SGCD: variants seen among roughly 807,000 people sequenced by gnomAD.
The protein encoded by SGCD is delta-sarcoglycan.
Under a neutral mutation model 36.6 loss-of-function variants are expected in SGCD, and 18 were observed. The ratio of observed to expected loss-of-function variants is 0.49; its 90% CI spans 0.34 to 0.73. The LOEUF is 0.73. Ranked by LOEUF, SGCD falls within the 30% of genes least tolerant of loss-of-function variation. The pLI is 0.01. For synonymous variants in SGCD, 133 were observed against 130.6 expected, an observed-to-expected ratio of 1.02 and a Z score of -0.12; for missense variants, 387 against 346.7, an observed-to-expected ratio of 1.12 and a Z score of -0.92.
At chr5:155,813,078 A>C in the SGCD span, among the ~76,000 whole-genome samples, 1 of 151,958 alleles carries the variant, frequency 6.6e-6, no homozygotes, top group South Asian at 2.1e-4. Flanking sequence ...AAGGAATACA[A>C]GAAGCTAGTT....
At chr5:155,983,399 G>C (rs537261549) in intron 1 of SGCD, among the ~76,000 whole-genome samples, 1 of 152,074 alleles carries the variant, frequency 6.6e-6, no homozygotes, top group Non-Finnish European at 1.5e-5. Context: ...TCCCAGGTTC[G>C]AGTGATTCTC....
chr5:156,634,662 G>A (rs746856589), intron 6 of SGCD, among the ~76,000 whole-genome samples: 6 of 152,082 alleles, frequency 3.9e-5, no homozygotes, highest in Non-Finnish European at 7.4e-5. Context: ...TTTTTGGAGC[G>A]ATAAAATTGG....
At chr5:156,503,866 T>G (rs1432686) in intron 3 of SGCD, among the ~76,000 whole-genome samples, 40,021 of 150,960 alleles carry the variant, frequency 0.27, 5,582 homozygotes, top group Non-Finnish European at 0.32. Flanking sequence ...TACTTAAGAG[T>G]TTTTTTTTAA....
the SGCD span, among the ~76,000 whole-genome samples, chr5:155,756,521 C>A: frequency 6.6e-6 from 1 of 152,088 alleles, no homozygotes; most frequent in Admixed American, 6.5e-5. Context: ...ACACAAAGCC[C>A]GGTTACTTTC....
chr5:156,127,923 A>G (rs1762220736), intron 3 of SGCD, among the ~76,000 whole-genome samples: 1 of 150,806 alleles, frequency 6.6e-6, no homozygotes, highest in Admixed American at 6.6e-5. Context: ...ATACCTTTGT[A>G]ACTTCAGGAG....
At chr5:156,339,096 C>G (rs1768510365) in intron 2 of SGCD, among the ~76,000 whole-genome samples, 1 of 152,112 alleles carries the variant, frequency 6.6e-6, no homozygotes, top group South Asian at 2.1e-4. Flanking sequence ...TTGGGAAACT[C>G]TACATCTAAA....
chr5:155,842,875 GCAT>G, the SGCD span, among the ~76,000 whole-genome samples: 2 of 152,108 alleles, frequency 1.3e-5, no homozygotes, highest in Non-Finnish European at 2.9e-5. Context: ...TAATATCAGG[GCAT>G]CATCTCTATT....
At chr5:156,154,765 C>A (rs903722334) in intron 3 of SGCD, among the ~76,000 whole-genome samples, 7 of 151,632 alleles carry the variant, frequency 4.6e-5, no homozygotes, top group Non-Finnish European at 8.8e-5. Flanking sequence ...GACTACTCAA[C>A]CTTGTGCCTC....
Position 156,487,813 on chromosome 5 carries a change from A to AAAAAAAAAAAAAAAAAG in SGCD, c.193-20785_193-20784insAAAAAAAAAAAAAGAAA, listed in dbSNP as rs1554107842. 2.6e-4 allele frequency among the ~76,000 whole-genome samples: 20 copies of AAAAAAAAAAAAAAAAAG among 77,794 alleles called. 1 individual carries two copies. The highest frequency in any genetic ancestry group is 4.8e-4 in the African/African-American group (11 of 22,946). The allele number at this position is 77,794 out of a possible 152,430, so 51.0% of individuals were successfully genotyped here. A position where few individuals can be genotyped will look rare whatever the true frequency, so the allele number is the denominator to read the frequency against. On this transcript the variant is annotated intron_variant, in intron 3 of 8. Coordinates refer to ENST00000337851, the MANE Select transcript of SGCD (RefSeq NM_000337.6). ...CAAAAAAAAAAAAAAAAAAAAAAAA[A>AAAAAAAAAAAAAAAAAG]AAAGAAAGAAAGAAAAAGCTTAACA... is the stretch of plus-strand genomic sequence containing the variant.
Position 156,510,951 on chromosome 5 carries a change from G to A in SGCD, c.294+2249G>A, listed in dbSNP as rs116821128. ...TGCAGGAATTGGATGTCTAGCAAATGTGTTAGCAAGCCTCTCTGGAAATTG... is the reference window on the plus strand; with the variant it reads ...TGCAGGAATTGGATGTCTAGCAAATATGTTAGCAAGCCTCTCTGGAAATTG... On this transcript the variant is annotated intron_variant, in intron 4 of 8. Transcript: ENST00000337851. 4.7e-3 allele frequency among the ~76,000 whole-genome samples: 712 copies of A among 152,326 alleles called. 1 individual carries two copies. Among genetic ancestry groups the A allele is most frequent in the Non-Finnish European group, 5.4e-3 (370 of 68,036 alleles).
chr5:156,457,977 T>G (rs1754329126), intron 3 of SGCD, among the ~76,000 whole-genome samples: 1 of 152,240 alleles, frequency 6.6e-6, no homozygotes, highest in East Asian at 1.9e-4. Context: ...GAGCCACTGA[T>G]GTGGGCCAAC....
At chr5:156,618,198 G>A (rs893112066) in intron 6 of SGCD, among the ~76,000 whole-genome samples, 1 of 152,192 alleles carries the variant, frequency 6.6e-6, no homozygotes, top group African/African-American at 2.4e-5. Flanking sequence ...CCTGGGAAAT[G>A]AGAGCCTACG....
intron 1 of SGCD, among the ~76,000 whole-genome samples, chr5:156,108,119 C>CT (rs1257183196): frequency 9.2e-5 from 14 of 152,064 alleles, no homozygotes; most frequent in African/African-American, 3.4e-4. Context: ...GTAAAGAAAA[C>CT]TAATCCTTTC....
At chr5:156,581,682 T>G (rs2113339025) in intron 4 of SGCD, among the ~76,000 whole-genome samples, 1 of 152,314 alleles carries the variant, frequency 6.6e-6, no homozygotes, top group Middle Eastern at 3.4e-3. Context: ...CTCAGACTGC[T>G]GCGCTAGCAG....
rs1561584618 is a variant in SGCD at position 156,251,155 on chromosome 5, C to T, written c.-43-78379C>T. The stretch of plus-strand genomic sequence containing the variant: ...CATGTTTTAAAAAAGCAACCAAATA[C>T]CACATTTCTTTTTTGTGTACAGTTT... On this transcript the variant is annotated intron_variant, in intron 3 of 9. Coordinates refer to the SGCD transcript ENST00000517913. 6.6e-5 allele frequency among the ~76,000 whole-genome samples: 10 copies of T among 152,226 alleles called. No individual in the cohort carries two copies. The South Asian group carries it at 2.1e-3, about 32-fold the overall frequency.
the SGCD span, among the ~76,000 whole-genome samples, chr5:155,739,034 A>G: frequency 6.6e-6 from 1 of 152,176 alleles, no homozygotes; most frequent in South Asian, 2.1e-4. Flanking sequence ...ATTGTACCTC[A>G]TTTATGCATG....
intron 3 of SGCD, among the ~76,000 whole-genome samples, chr5:156,410,185 A>C (rs1246786138): frequency 6.6e-6 from 1 of 152,240 alleles, no homozygotes; most frequent in Non-Finnish European, 1.5e-5. Context: ...TGGTATATAT[A>C]CACCATGGAA....
rs537047035 is a variant in SGCD, at chr5:156,506,015, C to G, written c.193-2586C>G. On this transcript the variant is annotated intron_variant, in intron 3 of 8. Transcript: ENST00000337851. Reference sequence around the variant, plus strand: ...TGGGTATCATGTTAACAGCATAACCCCACAGAAAGGAATTATTTCAAGTGA... The same window carrying G: ...TGGGTATCATGTTAACAGCATAACCGCACAGAAAGGAATTATTTCAAGTGA... 3.3e-5 allele frequency among the ~76,000 whole-genome samples: 5 copies of G among 152,128 alleles called. No individual in the cohort carries two copies. In the South Asian group the frequency reaches 6.2e-4, roughly 19 times the overall value.
chr5:156,752,730 ATTATT>A (rs1757196460), intron 7 of SGCD, among the ~76,000 whole-genome samples: 1 of 152,182 alleles, frequency 6.6e-6, no homozygotes, highest in Non-Finnish European at 1.5e-5. Context: ...ATAATTTTAT[ATTATT>A]TTGTGTCTAT....
Sources: gnomAD v4.1 joint callset for allele counts (sites outside exome capture counted in the v4.1 genomes callset) on GRCh38, gnomAD v4.1.1 for gene constraint, MANE v1.5 for transcripts, NCBI Gene and HGNC (gene_info 2026-07-23, HGNC 2026-07-21) for gene names.